Variants in SGSM2 observed in about 807,000 individuals in gnomAD.
SGSM2 encodes the protein RUN and TBC1 domain containing 1.
Under a neutral mutation model 126.6 loss-of-function variants are expected in SGSM2, and 89 were observed. The observed-to-expected ratio is 0.70, with a 90% CI of 0.59 to 0.84. The LOEUF is 0.84. Among genes scored for constraint, SGSM2 ranks in the 40% least tolerant of loss-of-function variants. The pLI is 0.00. For missense variants in SGSM2, 1,404 were observed against 1,416.6 expected, an observed-to-expected ratio of 0.99 and a Z score of 0.14; for synonymous variants, 614 against 574.3, an observed-to-expected ratio of 1.07 and a Z score of -0.99.
intron 2 of SGSM2, among the ~76,000 whole-genome samples, chr17:2,346,167 G>A (rs1166033835): frequency 6.6e-6 from 1 of 152,160 alleles, no homozygotes; most frequent in Non-Finnish European, 1.5e-5. Context: ...GCTTTGTTGT[G>A]GGAGAAATGG....
At position 2,375,895 on chromosome 17, in the gene SGSM2, G is replaced by T; in HGVS notation, c.2484+20G>T. 1 of 1,508,842 alleles carries T rather than the reference G, an allele frequency of 6.6e-7. No individual in the cohort carries two copies. The highest frequency in any genetic ancestry group is 8.8e-7 in the Non-Finnish European group (1 of 1,138,766). 93.5% of individuals were successfully genotyped at this position (1,508,842 alleles called of 1,614,324 possible). The stretch of plus-strand genomic sequence containing the variant: ...TACACTGTGCGTACATGCTCCCCAG[G>T]CTGTTCCCAGCCGCCCCAGAGGCCC... On this transcript the variant is annotated intron_variant, in intron 18 of 23. Coordinates refer to ENST00000268989, the MANE Select transcript of SGSM2 (RefSeq NM_014853.3).
At position 2,337,871 on chromosome 17, in the gene SGSM2, C is replaced by T. The variant is rs1220232374; in HGVS notation, c.57+126C>T. The T allele has an allele frequency of 1.4e-5, 7 of 504,086 alleles. No individual in the cohort carries two copies. Among genetic ancestry groups the T allele is most frequent in the Non-Finnish European group, 2.2e-5 (7 of 324,374 alleles). 31.2% of individuals were successfully genotyped at this position (504,086 alleles called of 1,614,324 possible). A position where few individuals can be genotyped will look rare whatever the true frequency, so the allele number is the denominator to read the frequency against. Reference sequence around the variant, plus strand: ...GAACCTGGGCCGGGCGGGGCGGGTCCTGGACGGGCTGCGCCTCCTTCCCCT... The same window carrying T: ...GAACCTGGGCCGGGCGGGGCGGGTCTTGGACGGGCTGCGCCTCCTTCCCCT... On this transcript the variant is annotated intron_variant, in intron 1 of 23. Coordinates refer to ENST00000268989, the MANE Select transcript of SGSM2 (RefSeq NM_014853.3). The surrounding 1 kb of genome is among the most constrained non-coding windows in gnomAD (Gnocchi z 5.1).
At position 2,363,020 on chromosome 17, in the gene SGSM2, CAA is replaced by C. The variant is rs766737507; in HGVS notation, c.559_560del (p.Lys187AspfsTer8). 1 of 1,613,916 alleles carries C rather than the reference CAA, an allele frequency of 6.2e-7. No homozygotes were observed. The highest frequency in any genetic ancestry group is 2.2e-5 in the East Asian group (1 of 44,890). The stretch of plus-strand genomic sequence containing the variant: ...CCTGTGCCTTGGAATACACTAAGCT[CAA>C]GACAGCCGATCACTACTGGACTGAC... ...GPCALEYTKL[K>X]TADHYWTDPS... On this transcript the variant is annotated frameshift_variant, in exon 6 of 24. Coordinates refer to ENST00000268989, the MANE Select transcript of SGSM2 (RefSeq NM_014853.3). LOFTEE classifies it high-confidence loss of function. This position sits in a 1 kb window ranked among gnomAD's most constrained non-coding sequence, Gnocchi z 4.2.
rs1006782895 is a variant in SGSM2, at chr17:2,376,479, G to A, written c.2609+218G>A. 8 of 670,564 alleles carry A rather than the reference G, an allele frequency of 1.2e-5. No individual in the cohort carries two copies. In the African/African-American group the frequency reaches 1.5e-4, roughly 12 times the overall value. The allele number at this position is 670,564 out of a possible 1,614,324, so 41.5% of individuals were successfully genotyped here. ...CACTTCAGCCACACCTCTTCAGGAA[G>A]CTTTCCCTCATCCCCGCACCCCCGC... On this transcript the variant is annotated intron_variant, in intron 19 of 23. Transcript: ENST00000268989.
At chr17:2,343,702 A>C in intron 2 of SGSM2, 82 bp downstream of exon 2, 1 of 1,173,500 alleles carries the variant, frequency 8.5e-7, no homozygotes, top group Non-Finnish European at 1.3e-6. Flanking sequence ...ATGAGTCCTC[A>C]GGTGCAGTAG....
intron 12 of SGSM2, 120 bp from the exon 13 acceptor site, chr17:2,371,135 ACCTCTGT>A (rs2065850341): frequency 9.3e-7 from 1 of 1,080,176 alleles, no homozygotes; most frequent in African/African-American, 1.6e-5. Flanking sequence ...GGCAGGCCCC[ACCTCTGT>A]GATTTTCCAC....
rs746962718 is a variant in SGSM2 at position 2,379,784 on chromosome 17, C to T, written c.*264C>T. ...GGGGACACACCTACTCTGCTCCCCTCTCACACATCTGGGAGTAGCCCCACT... is the reference window on the plus strand; with the variant it reads ...GGGGACACACCTACTCTGCTCCCCTTTCACACATCTGGGAGTAGCCCCACT... On this transcript the variant is annotated 3_prime_UTR_variant, in exon 24 of 24. Transcript: ENST00000268989. 1.5e-6 allele frequency: 2 copies of T among 1,359,088 alleles called. No homozygotes were observed. The highest frequency in any genetic ancestry group is 3.6e-5 in the South Asian group (2 of 55,664). The allele number at this position is 1,359,088 out of a possible 1,614,324, so 84.2% of individuals were successfully genotyped here. A position where few individuals can be genotyped will look rare whatever the true frequency, so the allele number is the denominator to read the frequency against.
intron 2 of SGSM2, among the ~76,000 whole-genome samples, chr17:2,355,038 T>TG (rs201643979): frequency 1.5e-5 from 1 of 68,416 alleles, no homozygotes; most frequent in Non-Finnish European, 3.2e-5. Flanking sequence ...GTGTAAGGGT[T>TG]GGGGAAGGGA....
In SGSM2 at chr17:2,372,093, C is replaced by G; in HGVS notation, c.1578-97C>G. ...CCTCCTCCTCGCACCCTCCCCAGTG[C>G]CTTACCTGCCCCCCAGGACAGAGCC... On this transcript the variant is annotated intron_variant, in intron 13 of 23. Transcript: ENST00000268989. The surrounding 1 kb of genome is among the most constrained non-coding windows in gnomAD (Gnocchi z 6.0). The G allele has an allele frequency of 7.0e-7, 1 of 1,427,982 alleles. No homozygotes were observed. The highest frequency in any genetic ancestry group is 9.8e-7 in the Non-Finnish European group (1 of 1,024,052). The allele number at this position is 1,427,982 out of a possible 1,614,324, so 88.5% of individuals were successfully genotyped here.
chr17:2,365,461 A>T, intron 11 of SGSM2, 120 bp downstream of exon 11: 2 of 1,198,978 alleles, frequency 1.7e-6, no homozygotes, highest in Non-Finnish European at 2.3e-6. Flanking sequence ...TTAACACCAG[A>T]GGCTCATCGC....
chr17:2,367,270 G>C lies in SGSM2; in HGVS notation c.1289-1G>C, dbSNP rs1270285249. ...TGCCTCTCGCTGTTCTCTTTGAGCA[G>C]TCACTATTAACTACCACCACCTAGC... is the stretch of plus-strand genomic sequence containing the variant. On this transcript the variant is annotated splice_acceptor_variant, in intron 11 of 23. Coordinates refer to ENST00000268989, the MANE Select transcript of SGSM2 (RefSeq NM_014853.3). LOFTEE classifies it high-confidence loss of function. The surrounding 1 kb of genome is among the most constrained non-coding windows in gnomAD (Gnocchi z 4.0). 1.9e-6 allele frequency: 3 copies of C among 1,612,404 alleles called. No homozygotes were observed. Among genetic ancestry groups the C allele is most frequent in the Non-Finnish European group, 2.5e-6 (3 of 1,179,324 alleles).
chr17:2,370,210 C>T lies in SGSM2; in HGVS notation c.1424-1052C>T, dbSNP rs550509258. On this transcript the variant is annotated intron_variant, in intron 12 of 23. Transcript: ENST00000268989. ...ACACGGCTCTCCATCCCTGTTCTTC[C>T]GAACTCTTCTCCACTCTCTCCCTCC... Among the ~76,000 whole-genome samples, 14 of 152,350 alleles carry T rather than the reference C, an allele frequency of 9.2e-5. 1 individual carries two copies. In the South Asian group the frequency reaches 2.1e-3, roughly 23 times the overall value.
chr17:2,340,131 T>C (rs1438397994), intron 1 of SGSM2, among the ~76,000 whole-genome samples: 1 of 152,138 alleles, frequency 6.6e-6, no homozygotes, highest in Non-Finnish European at 1.5e-5. Flanking sequence ...TTTTTTTTTT[T>C]TGGAGACGGA....
intron 12 of SGSM2, among the ~76,000 whole-genome samples, chr17:2,370,899 G>GCA (rs77336817): frequency 0.076 from 11,553 of 152,312 alleles, 650 homozygotes; most frequent in African/African-American, 0.15. Context: ...CTAGCTGGTG[G>GCA]CTTTGAGGAG....
In SGSM2 at chr17:2,379,031, C is replaced by T. The variant is rs548622019; in HGVS notation, c.2900-5C>T. 20 of 1,613,110 alleles carry T rather than the reference C, an allele frequency of 1.2e-5. No homozygotes were observed. Among genetic ancestry groups the T allele is most frequent in the African/African-American group, 9.3e-5 (7 of 75,016 alleles). ...GGGTGAGCAGCAGCCGCTTACTCTC[C>T]GCAGAACTGCTGTATGAGGATGTGT... On this transcript the variant is annotated splice_region_variant and splice_polypyrimidine_tract_variant and intron_variant, in intron 22 of 23. Transcript: ENST00000268989.
At chr17:2,339,156 G>C (rs1001776182) in intron 1 of SGSM2, among the ~76,000 whole-genome samples, 2 of 150,372 alleles carry the variant, frequency 1.3e-5, no homozygotes. Context: ...GGACAGGCGC[G>C]GTGGCTTACG....
chr17:2,361,155 C>G lies in SGSM2; in HGVS notation c.134-482C>G, dbSNP rs533191729. ...AGAAATCTCTCCCTCAGCTGCTGGG[C>G]TCATCAGTCCAGCGGCCACTGTCGG... is the stretch of plus-strand genomic sequence containing the variant. On this transcript the variant is annotated intron_variant, in intron 2 of 23. Coordinates refer to ENST00000268989, the MANE Select transcript of SGSM2 (RefSeq NM_014853.3). Among the ~76,000 whole-genome samples the G allele has an allele frequency of 2.4e-4, 37 of 152,364 alleles. 1 individual carries two copies. In the South Asian group the frequency reaches 7.0e-3, roughly 29 times the overall value.
Position 2,363,719 on chromosome 17 carries a change from C to G in SGSM2, c.807+120C>G. Reference sequence around the variant, plus strand: ...GACCAGAGACGGGGGGGAGAATGGCCCCAGCCTCCCAACTCCCTGTTTCAC... The same window carrying G: ...GACCAGAGACGGGGGGGAGAATGGCGCCAGCCTCCCAACTCCCTGTTTCAC... On this transcript the variant is annotated intron_variant, in intron 7 of 23. Transcript: ENST00000268989. The surrounding 1 kb of genome is among the most constrained non-coding windows in gnomAD (Gnocchi z 4.2). The G allele has an allele frequency of 8.0e-6, 11 of 1,376,830 alleles. No individual in the cohort carries two copies. The highest frequency in any genetic ancestry group is 1.1e-5 in the Non-Finnish European group (11 of 1,017,034). 85.3% of individuals were successfully genotyped at this position (1,376,830 alleles called of 1,614,324 possible).
chr17:2,341,209 C>G (rs546731057), intron 1 of SGSM2, among the ~76,000 whole-genome samples: 2 of 150,456 alleles, frequency 1.3e-5, no homozygotes, highest in South Asian at 4.1e-4. Flanking sequence ...ACCTCTGCCT[C>G]CGGGTTCAAG....
Sources: allele counts gnomAD v4.1 joint callset (sites outside exome capture counted in the v4.1 genomes callset), GRCh38; gene constraint gnomAD v4.1.1; non-coding constraint Gnocchi (gnomAD v3.1); transcripts MANE v1.5; gene names NCBI Gene and HGNC (gene_info 2026-07-23, HGNC 2026-07-21).